Variants in MPI observed in about 807,000 individuals in gnomAD.
MPI encodes mannose-6-phosphate isomerase.
In MPI, 33 loss-of-function variants were observed where a neutral mutation model predicts 40.1. The ratio of observed to expected loss-of-function variants is 0.82; its 90% CI spans 0.62 to 1.10. The LOEUF (loss-of-function observed/expected upper bound fraction) is 1.10, where lower values mean the gene tolerates loss of function less well. Ranked by LOEUF, MPI falls within the 50% of genes least tolerant of loss-of-function variation. The pLI, the probability that MPI is intolerant of heterozygous loss-of-function variation, is 0.00. For synonymous variants in MPI, 187 were observed against 207.4 expected (o/e 0.90, Z 0.85); for missense variants, 514 against 524.1 (o/e 0.98, Z 0.19).
At chr15:74,890,703 A>G (rs886889731) in intron 2 of MPI, 49 bp downstream of exon 2, 4 of 1,608,260 alleles carry the variant, frequency 2.5e-6, no homozygotes, top group Non-Finnish European at 3.4e-6. Context: ...GGTCAGGAGA[A>G]AGGGCCTGAG....
chr15:74,891,765 T>C (rs193262945), intron 3 of MPI, among the ~76,000 whole-genome samples, 186 bp downstream of exon 3: 1 of 152,352 alleles, frequency 6.6e-6, no homozygotes, highest in East Asian at 1.9e-4. Flanking sequence ...CAACTAAGTC[T>C]AAGCAAACAG....
At chr15:74,894,038 CAGTGTGTGTGTGTGTGTGTGTG>C (rs2064767819) in intron 5 of MPI, among the ~76,000 whole-genome samples, 1 of 66,764 alleles carries the variant, frequency 1.5e-5, no homozygotes, top group African/African-American at 3.5e-5. Flanking sequence ...TTTTTCTGTT[CAGTGTGTGTGTGTGTGTGTGTG>C]TGTGTGTGTG....
At position 74,902,180 on chromosome 15, in the gene MPI, C is replaced by T. The variant is rs576167905; in HGVS notation, c.*4450C>T. 1.0e-5 allele frequency: 4 copies of T among 398,600 alleles called. No individual in the cohort carries two copies. The highest frequency in any genetic ancestry group is 1.8e-5 in the Non-Finnish European group (4 of 226,102). 24.7% of individuals were successfully genotyped at this position (398,600 alleles called of 1,614,324 possible). ...TTCTCGAACTGGTCTCAAACAGTTT[C>T]TTTTTTGGATTGCCAGCTATAATAA... On this transcript the variant is annotated 3_prime_UTR_variant, in exon 8 of 8. Transcript: ENST00000352410.
In MPI at chr15:74,896,540, T is replaced by C. The variant is rs1353724444; in HGVS notation, c.844+215T>C. ...TTGAATCCTGACACCAACCCTGTGA[T>C]GCCATGCTACTCTGATTTTAAGTCC... On this transcript the variant is annotated intron_variant, in intron 6 of 7. Coordinates refer to ENST00000352410, the MANE Select transcript of MPI (RefSeq NM_002435.3). The C allele has an allele frequency of 1.4e-5, 10 of 694,332 alleles. No individual in the cohort carries two copies. The East Asian group carries it at 2.4e-4, about 17-fold the overall frequency. 43.0% of individuals were successfully genotyped at this position (694,332 alleles called of 1,614,324 possible). A position where few individuals can be genotyped will look rare whatever the true frequency, so the allele number is the denominator to read the frequency against.
chr15:74,891,896 G>A (rs1415529443), intron 3 of MPI, among the ~76,000 whole-genome samples: 2 of 152,076 alleles, frequency 1.3e-5, no homozygotes, highest in Non-Finnish European at 2.9e-5. Flanking sequence ...TTCAGGAAGA[G>A]TTCAACTTGC....
Position 74,901,975 on chromosome 15 carries a change from G to A in MPI, c.*4245G>A, listed in dbSNP as rs1027502490. 3 of 397,068 alleles carry A rather than the reference G, an allele frequency of 7.6e-6. No individual in the cohort carries two copies. Among genetic ancestry groups the A allele is most frequent in the African/African-American group, 6.2e-5 (3 of 48,746 alleles). The allele number at this position is 397,068 out of a possible 1,614,324, so 24.6% of individuals were successfully genotyped here. ...CCGGACGGTTGGACCAGTTGGGGATGCCCCAGGTCCAGGGATTCTGGAAGC... is the reference window on the plus strand; with the variant it reads ...CCGGACGGTTGGACCAGTTGGGGATACCCCAGGTCCAGGGATTCTGGAAGC... On this transcript the variant is annotated 3_prime_UTR_variant, in exon 8 of 8. Transcript: ENST00000352410.
intron 5 of MPI, among the ~76,000 whole-genome samples, chr15:74,894,797 AAAAG>A (rs1379401196): frequency 6.7e-6 from 1 of 149,074 alleles, no homozygotes; most frequent in Non-Finnish European, 1.5e-5. Context: ...GGAAAAAAAA[AAAAG>A]AAAAAGAAAA....
Position 74,894,035 on chromosome 15 carries a change from GTTCAGTGT to G in MPI, c.670+716_670+723del, listed in dbSNP as rs1317065348. 4.4e-5 allele frequency among the ~76,000 whole-genome samples: 4 copies of G among 90,950 alleles called. 1 individual carries two copies. The highest frequency in any genetic ancestry group is 3.0e-4 in the South Asian group (1 of 3,378). The allele number at this position is 90,950 out of a possible 152,430, so 59.7% of individuals were successfully genotyped here. ...ATTTGACCCAAGCATATTTTTTTCTGTTCAGTGTGTGTGTGTGTGTGTGTGTGTGTGTG... is the reference window on the plus strand; with the variant it reads ...ATTTGACCCAAGCATATTTTTTTCTGGTGTGTGTGTGTGTGTGTGTGTGTG... On this transcript the variant is annotated intron_variant, in intron 5 of 7. Coordinates refer to ENST00000352410, the MANE Select transcript of MPI (RefSeq NM_002435.3).
At position 74,899,482 on chromosome 15, in the gene MPI, A is replaced by G. The variant is rs1450193175; in HGVS notation, c.*1752A>G. ...ACCCATTCTACAGAAGTGACTTGCAAGAGCCTATTTCACTCATGCCGTCCA... is the reference window on the plus strand; with the variant it reads ...ACCCATTCTACAGAAGTGACTTGCAGGAGCCTATTTCACTCATGCCGTCCA... On this transcript the variant is annotated 3_prime_UTR_variant, in exon 8 of 8. Transcript: ENST00000352410. 1 of 152,220 alleles carries G rather than the reference A, an allele frequency of 6.6e-6. No homozygotes were observed. Among genetic ancestry groups the G allele is most frequent in the Non-Finnish European group, 1.5e-5 (1 of 68,044 alleles). The allele number at this position is 152,220 out of a possible 1,614,324, so 9.4% of individuals were successfully genotyped here. A position where few individuals can be genotyped will look rare whatever the true frequency, so the allele number is the denominator to read the frequency against.
intron 5 of MPI, 158 bp from the exon 6 acceptor site, chr15:74,895,994 C>T: frequency 1.4e-6 from 1 of 733,338 alleles, no homozygotes; most frequent in Admixed American, 2.1e-5. Flanking sequence ...CAAGGCTCGA[C>T]CCCCAAAGGG....
intron 4 of MPI, 90 bp from the exon 5 acceptor site, chr15:74,893,048 C>G: frequency 1.3e-6 from 2 of 1,541,876 alleles, no homozygotes; most frequent in South Asian, 1.1e-5. Context: ...TTGGTTAGGG[C>G]TGGGATGGAA....
At chr15:74,890,947 A>G (rs1469944224) in intron 2 of MPI, 2 of 577,704 alleles carry the variant, frequency 3.5e-6, no homozygotes, top group Non-Finnish European at 6.3e-6. Context: ...TTGCATTTTT[A>G]TTAACCTAAA....
intron 2 of MPI, 137 bp from the exon 3 acceptor site, chr15:74,891,242 C>T (rs2064721617): frequency 1.3e-6 from 1 of 799,866 alleles, no homozygotes; most frequent in African/African-American, 1.7e-5. Context: ...ATGGCATGAA[C>T]ATTTGTATCC....
In MPI at chr15:74,897,916, T is replaced by C. The variant is rs1237022454; in HGVS notation, c.*186T>C. ...TGAACACACCCAGGTGGAACCATCTTTGGGGAGGAGAGGCCCGTGTGAGGG... is the reference window on the plus strand; with the variant it reads ...TGAACACACCCAGGTGGAACCATCTCTGGGGAGGAGAGGCCCGTGTGAGGG... On this transcript the variant is annotated 3_prime_UTR_variant, in exon 8 of 8. Transcript: ENST00000352410. 2 of 678,454 alleles carry C rather than the reference T, an allele frequency of 2.9e-6. No individual in the cohort carries two copies. Among genetic ancestry groups the C allele is most frequent in the Non-Finnish European group, 5.3e-6 (2 of 374,360 alleles). The allele number at this position is 678,454 out of a possible 1,614,324, so 42.0% of individuals were successfully genotyped here. A position where few individuals can be genotyped will look rare whatever the true frequency, so the allele number is the denominator to read the frequency against.
Position 74,891,401 on chromosome 15 carries a change from G to T in MPI, c.167G>T (p.Arg56Leu). ...YAELWMGTHPRGDAKILDNRI... is the reference protein window; with the variant it reads ...YAELWMGTHPLGDAKILDNRI... ...CAGTTGTGGATGGGGACTCACCCCCGAGGGGATGCCAAGATCCTTGACAAC... is the reference window on the plus strand; with the variant it reads ...CAGTTGTGGATGGGGACTCACCCCCTAGGGGATGCCAAGATCCTTGACAAC... The change falls in exon 3 of 8, where the codon CGA becomes CTA. Residue 56 changes from arginine (R) to leucine (L), a missense_variant. Coordinates refer to ENST00000352410, the MANE Select transcript of MPI (RefSeq NM_002435.3). 5 of 1,614,122 alleles carry T rather than the reference G, an allele frequency of 3.1e-6. No homozygotes were observed. Among genetic ancestry groups the T allele is most frequent in the Non-Finnish European group, 4.2e-6 (5 of 1,180,038 alleles).
In MPI at chr15:74,897,146, C is replaced by T. The variant is rs769308248; in HGVS notation, c.980C>T (p.Thr327Ile). The T allele has an allele frequency of 6.2e-7, 1 of 1,614,226 alleles. No individual in the cohort carries two copies. Among genetic ancestry groups the T allele is most frequent in the East Asian group, 2.2e-5 (1 of 44,892 alleles). ...SSSKDRLFLP[T>I]RSQEDPYLSI... ...AGCAAGGACAGGCTCTTTCTCCCAA[C>T]ACGGAGTCAGGAAGACCCCTACCTC... The change falls in exon 7 of 8, where the codon ACA becomes ATA. Residue 327 changes from threonine to isoleucine, a missense_variant. Thr to Ile is a moderately conservative substitution (Grantham distance 89, BLOSUM62 -1). Coordinates refer to ENST00000352410, the MANE Select transcript of MPI (RefSeq NM_002435.3).
At position 74,896,134 on chromosome 15, in the gene MPI, G is replaced by A; in HGVS notation, c.671-18G>A. The stretch of plus-strand genomic sequence containing the variant: ...GAGTATCCCCCTAAGTGACCTTGGG[G>A]TGCTCTGTGACCCTCAGCGGCTGCC... On this transcript the variant is annotated intron_variant, in intron 5 of 7. Coordinates refer to ENST00000352410, the MANE Select transcript of MPI (RefSeq NM_002435.3). 1 of 1,613,698 alleles carries A rather than the reference G, an allele frequency of 6.2e-7. No homozygotes were observed. Among genetic ancestry groups the A allele is most frequent in the Non-Finnish European group, 8.5e-7 (1 of 1,179,968 alleles).
chr15:74,891,626 T>C, intron 3 of MPI, 47 bp downstream of exon 3: 1 of 1,588,708 alleles, frequency 6.3e-7, no homozygotes, highest in South Asian at 1.1e-5. Context: ...GAAGGGCTTA[T>C]GCTAAGGCCC....
chr15:74,894,562 T>G (rs1432469255), intron 5 of MPI, among the ~76,000 whole-genome samples: 1 of 150,578 alleles, frequency 6.6e-6, no homozygotes, highest in Non-Finnish European at 1.5e-5. Flanking sequence ...AGGCAGAGGT[T>G]GTGGTGAGCC....
Sources: allele counts gnomAD v4.1 joint callset (sites outside exome capture counted in the v4.1 genomes callset), GRCh38; gene constraint gnomAD v4.1.1; transcripts MANE v1.5; gene names NCBI Gene and HGNC (gene_info 2026-07-23, HGNC 2026-07-21).